Variants in USP20 observed in about 807,000 individuals in gnomAD.
USP20 encodes ubiquitin carboxyl-terminal hydrolase 20.
Under a neutral mutation model 124.2 loss-of-function variants are expected in USP20, and 80 were observed. That is an observed-to-expected ratio of 0.64 (90% confidence interval 0.54 to 0.78). The LOEUF (loss-of-function observed/expected upper bound fraction) is 0.78. Among genes scored for constraint, USP20 ranks in the 30% least tolerant of loss-of-function variants. The pLI is 0.00. For missense variants in USP20, 1,043 were observed against 1,244.4 expected (o/e 0.84, Z 2.44); for synonymous variants, 481 against 512.3 (o/e 0.94, Z 0.83).
intron 6 of USP20, 100 bp from the exon 7 acceptor site, chr9:129,860,837 C>T: frequency 1.6e-6 from 2 of 1,243,440 alleles, no homozygotes; most frequent in South Asian, 1.2e-5. Context: ...GTAGGGCCTT[C>T]CGGGCAGTAG....
chr9:129,869,320 G>A lies in USP20; in HGVS notation c.1287G>A (p.Leu429=), dbSNP rs2033997320. Residue 429 remains leucine, a synonymous_variant, in exon 13 of 26, where the codon TTG becomes TTA. Transcript: ENST00000372429. The stretch of plus-strand genomic sequence containing the variant: ...GTGCTGTGTCCCCAGCCCAGGTATT[G>A]AGTGCTGGCAGCCGGAGGCGGAAGG... ...PSYVLKKAQV[L]SAGSRRRKEQ... The A allele has an allele frequency of 1.2e-5, 20 of 1,613,606 alleles. No homozygotes were observed. The Middle Eastern group carries it at 8.3e-4, about 67-fold the overall frequency.
In USP20 at chr9:129,874,654, C is replaced by T. The variant is rs372872905; in HGVS notation, c.1819C>T (p.Leu607Phe). 3.1e-6 allele frequency: 5 copies of T among 1,613,960 alleles called. No individual in the cohort carries two copies. The highest frequency in any genetic ancestry group is 4.2e-6 in the Non-Finnish European group (5 of 1,180,024). ...GATCAACAGCCACGTCTCCTTCCCC[C>T]TCGAGGGGCTCGACCTGCGCCCCTT... ...FKINSHVSFP[L>F]EGLDLRPFLA... The change falls in exon 18 of 26, where the codon CTC (leucine) becomes TTC (phenylalanine). Residue 607 changes from leucine to phenylalanine, a missense_variant. Physicochemically the swap from Leu to Phe is conservative, Grantham distance 22. Coordinates refer to ENST00000372429, the MANE Select transcript of USP20 (RefSeq NM_001110303.4).
chr9:129,877,506 G>A (rs142860189), intron 22 of USP20, among the ~76,000 whole-genome samples: 1,952 of 152,012 alleles, frequency 0.013, 20 homozygotes, highest in Middle Eastern at 0.027. Flanking sequence ...CTGGGCAATA[G>A]AGTGAGACCC....
intron 22 of USP20, among the ~76,000 whole-genome samples, chr9:129,877,856 C>A (rs943506731): frequency 5.9e-5 from 9 of 151,966 alleles, no homozygotes; most frequent in African/African-American, 2.2e-4. Context: ...GGCGGATCAC[C>A]TGAGGTCAGG....
intron 3 of USP20, among the ~76,000 whole-genome samples, chr9:129,853,661 G>C (rs2033056199): frequency 6.6e-6 from 1 of 152,212 alleles, no homozygotes; most frequent in Non-Finnish European, 1.5e-5. Context: ...TCTTCATAGT[G>C]CCTATAGCTG....
At chr9:129,854,313 G>A (rs987476791) in intron 3 of USP20, among the ~76,000 whole-genome samples, 25 of 152,206 alleles carry the variant, frequency 1.6e-4, no homozygotes, top group South Asian at 4.1e-4. Context: ...TTTATTGAGC[G>A]TTATTTATAA....
Position 129,874,556 on chromosome 9 carries a change from C to T in USP20, c.1741-20C>T, listed in dbSNP as rs780343089. 1.8e-5 allele frequency: 29 copies of T among 1,610,262 alleles called. No homozygotes were observed. In the African/African-American group the frequency reaches 2.1e-4, roughly 12 times the overall value. ...GCATCATTTCTTCCTAGATGACCGGCGCTCTCTCTGTCCCCGCAGATCCTG... is the reference window on the plus strand; with the variant it reads ...GCATCATTTCTTCCTAGATGACCGGTGCTCTCTCTGTCCCCGCAGATCCTG... On this transcript the variant is annotated intron_variant, in intron 17 of 25. Coordinates refer to ENST00000372429, the MANE Select transcript of USP20 (RefSeq NM_001110303.4).
At chr9:129,846,779 A>C (rs1190626260) in intron 1 of USP20, among the ~76,000 whole-genome samples, 1 of 151,646 alleles carries the variant, frequency 6.6e-6, no homozygotes, top group African/African-American at 2.4e-5. Flanking sequence ...GGCTCCCGCC[A>C]CCACGCCCGG....
intron 22 of USP20, among the ~76,000 whole-genome samples, chr9:129,877,451 A>G (rs2034454744): frequency 6.6e-6 from 1 of 152,158 alleles, no homozygotes; most frequent in African/African-American, 2.4e-5. Context: ...TAAGCCTGGG[A>G]GGTTGAGGCT....
intron 11 of USP20, among the ~76,000 whole-genome samples, 158 bp downstream of exon 11, chr9:129,868,607 C>A (rs1310033749): frequency 6.6e-6 from 1 of 152,128 alleles, no homozygotes; most frequent in Non-Finnish European, 1.5e-5. Context: ...CAGTGATGTG[C>A]CCAGGGTCCC....
chr9:129,877,094 G>A (rs2034440712), intron 22 of USP20, among the ~76,000 whole-genome samples: 1 of 152,188 alleles, frequency 6.6e-6, no homozygotes, highest in Admixed American at 6.5e-5. Context: ...TGAGGGAGCT[G>A]AGTGCAGGCG....
intron 1 of USP20, among the ~76,000 whole-genome samples, chr9:129,841,289 T>A (rs1224790110): frequency 6.6e-6 from 1 of 152,208 alleles, no homozygotes; most frequent in Non-Finnish European, 1.5e-5. Context: ...TGGTCTTTCC[T>A]CTGTGTGAGT....
intron 19 of USP20, 151 bp downstream of exon 19, chr9:129,875,106 G>T: frequency 7.2e-7 from 1 of 1,390,982 alleles, no homozygotes; most frequent in Non-Finnish European, 9.5e-7. Context: ...TGGCTGCTGT[G>T]GGGAACCCAG....
intron 9 of USP20, among the ~76,000 whole-genome samples, chr9:129,863,908 C>T (rs1189755585): frequency 2.0e-5 from 3 of 151,778 alleles, no homozygotes; most frequent in African/African-American, 4.8e-5. Context: ...GAGATCGAGA[C>T]CGTTCTGGCC....
intron 14 of USP20, 73 bp downstream of exon 14, chr9:129,869,917 A>G (rs980672200): frequency 3.2e-6 from 5 of 1,559,126 alleles, no homozygotes. Flanking sequence ...GAGACAGTAC[A>G]CAGTGAAGTC....
In USP20 at chr9:129,868,416, T is replaced by C; in HGVS notation, c.1102T>C (p.Ser368Pro). 2 of 1,611,884 alleles carry C rather than the reference T, an allele frequency of 1.2e-6. No homozygotes were observed. The highest frequency in any genetic ancestry group is 1.7e-6 in the Non-Finnish European group (2 of 1,179,310). ...DDQPAEAQPP[S>P]PRSSSPCRTP... Reference sequence around the variant, plus strand: ...CCAGCCCGCGGAGGCCCAGCCCCCGTCACCACGGTCCTCCAGCCCCTGCCG... The same window carrying C: ...CCAGCCCGCGGAGGCCCAGCCCCCGCCACCACGGTCCTCCAGCCCCTGCCG... The change falls in exon 11 of 26, where the codon TCA (serine) becomes CCA (proline). Residue 368 changes from serine (S) to proline (P), a missense_variant. Ser to Pro is a moderately conservative substitution (Grantham distance 74). Coordinates refer to ENST00000372429, the MANE Select transcript of USP20 (RefSeq NM_001110303.4).
At chr9:129,872,532 T>C (rs1040891417) in intron 15 of USP20, among the ~76,000 whole-genome samples, 2 of 152,194 alleles carry the variant, frequency 1.3e-5, no homozygotes, top group African/African-American at 4.8e-5. Flanking sequence ...TGCGTTTCAT[T>C]CTGTGGTTTG....
chr9:129,858,328 G>C, intron 5 of USP20, 139 bp from the exon 6 acceptor site: 1 of 1,326,924 alleles, frequency 7.5e-7, no homozygotes, highest in Non-Finnish European at 1.1e-6. Context: ...ACTGGGGGTG[G>C]GTAAGCAAAA....
Position 129,870,526 on chromosome 9 carries a change from T to A in USP20, c.1639T>A (p.Phe547Ile), listed in dbSNP as rs1405540631. ...CCTGGAAGACTGCCTTGCTGCCTTC[T>A]TTGCCGCTGATGAGTTAAAGGGTGA... is the stretch of plus-strand genomic sequence containing the variant. ...VTLEDCLAAF[F>I]AADELKGDNM... is the part of the protein sequence containing the mutation. The change falls in exon 15 of 26, where the codon TTT (phenylalanine) becomes ATT (isoleucine). Residue 547 changes from phenylalanine to isoleucine, a missense_variant. Transcript: ENST00000372429. The A allele has an allele frequency of 6.2e-7, 1 of 1,614,072 alleles. No individual in the cohort carries two copies.
Sources: gnomAD v4.1 joint callset for allele counts (sites outside exome capture counted in the v4.1 genomes callset) on GRCh38, gnomAD v4.1.1 for gene constraint, MANE v1.5 for transcripts, NCBI Gene and HGNC (gene_info 2026-07-23, HGNC 2026-07-21) for gene names.